The following CD177 variants were observed in gnomAD, a reference collection of about 807,000 sequenced individuals.
The protein encoded by CD177 is CD177 antigen.
CD177 carries 41 observed loss-of-function variants against 38.1 expected under a neutral mutation model. The observed-to-expected ratio is 1.07, with a 90% CI of 0.84 to 1.39. CD177 has a LOEUF of 1.39. Ranked by LOEUF, CD177 falls within the 40% of genes most tolerant of loss-of-function variation. CD177 has a pLI of 0.00. For missense variants in CD177, 619 were observed against 523.8 expected (o/e 1.18, Z -1.77); for synonymous variants, 236 against 216.7 (o/e 1.09, Z -0.78).
Position 43,353,911 on chromosome 19 carries a change from C to A in CD177, c.111C>A (p.Asp37Glu). 1 of 1,613,868 alleles carries A rather than the reference C, an allele frequency of 6.2e-7. No homozygotes were observed. The highest frequency in any genetic ancestry group is 8.5e-7 in the Non-Finnish European group (1 of 1,179,838). ...TTCAGCATGTGTGGAAGGTGTCCGA[C>A]CTGCCCCGGCAATGGACCCCTAAGA... is the stretch of plus-strand genomic sequence containing the variant. ...GTVQHVWKVS[D>E]LPRQWTPKNT... is the part of the protein sequence containing the mutation. Residue 37 changes from aspartate to glutamate, a missense_variant, in exon 2 of 9, where the codon GAC becomes GAA. Asp to Glu is a conservative substitution (Grantham distance 45). Transcript: ENST00000618265.
chr19:43,361,116 C>A, intron 6 of CD177, 27 bp from the exon 7 acceptor site: 1 of 1,297,936 alleles, frequency 7.7e-7, no homozygotes, highest in East Asian at 2.3e-5. Flanking sequence ...GCCCAGTCCC[C>A]AGCCCAGCTT....
At position 43,362,210 on chromosome 19, in the gene CD177, G is replaced by A; in HGVS notation, c.1204G>A (p.Ala402Thr). ...TGAGAAGCGTGATGTGCAGCCTCCT[G>A]CCTCTCAGCATGAGGGAGGTGGGGC... ...AREKRDVQPP[A>T]SQHEGGGAEG... The change falls in exon 9 of 9, where the codon GCC becomes ACC. Residue 402 changes from alanine to threonine, a missense_variant. Coordinates refer to ENST00000618265, the MANE Select transcript of CD177 (RefSeq NM_020406.4). The A allele has an allele frequency of 6.2e-7, 1 of 1,612,860 alleles. No individual in the cohort carries two copies. Among genetic ancestry groups the A allele is most frequent in the Non-Finnish European group, 8.5e-7 (1 of 1,179,074 alleles).
At position 43,362,200 on chromosome 19, in the gene CD177, G is replaced by A; in HGVS notation, c.1194G>A (p.Val398=). ...GIFSAREKRD[V]QPPASQHEGG... ...TCTCTGCGCGTGAGAAGCGTGATGTGCAGCCTCCTGCCTCTCAGCATGAGG... is the reference window on the plus strand; with the variant it reads ...TCTCTGCGCGTGAGAAGCGTGATGTACAGCCTCCTGCCTCTCAGCATGAGG... The change falls in exon 9 of 9, where the codon GTG becomes GTA. Residue 398 remains valine, a synonymous_variant. Transcript: ENST00000618265. The A allele has an allele frequency of 1.2e-6, 2 of 1,613,428 alleles. No homozygotes were observed. Among genetic ancestry groups the A allele is most frequent in the Non-Finnish European group, 1.7e-6 (2 of 1,179,542 alleles).
intron 3 of CD177, 194 bp downstream of exon 3, chr19:43,354,586 C>G: frequency 1.6e-6 from 1 of 624,532 alleles, no homozygotes. Context: ...CACTCCCGAT[C>G]CCTCCCACCG....
chr19:43,361,950 C>A (rs1351193658), intron 8 of CD177, 138 bp from the exon 9 acceptor site: 2 of 664,046 alleles, frequency 3.0e-6, no homozygotes, highest in South Asian at 3.9e-5. Context: ...GGGGCCTGGA[C>A]CCCTGGGTCT....
rs548201107 is a variant in CD177 at position 43,353,925 on chromosome 19, G to A, written c.125G>A (p.Trp42Ter). 3 of 1,613,830 alleles carry A rather than the reference G, an allele frequency of 1.9e-6. No homozygotes were observed. The highest frequency in any genetic ancestry group is 2.2e-5 in the South Asian group (2 of 91,076). ...AAGGTGTCCGACCTGCCCCGGCAAT[G>A]GACCCCTAAGAACACCAGCTGCGAC... ...VWKVSDLPRQ[W>*]TPKNTSCDSG... Residue 42 changes from tryptophan to a stop codon, truncating the protein, a stop_gained, in exon 2 of 9, where the codon TGG (tryptophan) becomes TAG (stop). Transcript: ENST00000618265. LOFTEE classifies it high-confidence loss of function.
intron 4 of CD177, 67 bp downstream of exon 4, chr19:43,355,850 C>A: frequency 6.2e-7 from 1 of 1,604,588 alleles, no homozygotes; most frequent in Non-Finnish European, 8.5e-7. Flanking sequence ...AGATCTTAGG[C>A]TTTGGGGAGT....
rs748683798 is a variant in CD177 at position 43,354,314 on chromosome 19, A to G, written c.301A>G (p.Thr101Ala). 9 of 1,613,296 alleles carry G rather than the reference A, an allele frequency of 5.6e-6. No homozygotes were observed. In the African/African-American group the frequency reaches 9.4e-5, roughly 17 times the overall value. ...CCCCGGCCTCTCCCTGATCTCCTAC[A>G]CCTTCGTGTGCCGCCAGGAGGACTT... ...MGPGLSLISYTFVCRQEDFCN... is the reference protein window; with the variant it reads ...MGPGLSLISYAFVCRQEDFCN... Residue 101 changes from threonine (T) to alanine (A), a missense_variant, in exon 3 of 9, where the codon ACC becomes GCC. By Grantham distance (58) the Thr-to-Ala change is moderately conservative (BLOSUM62 0). Coordinates refer to ENST00000618265, the MANE Select transcript of CD177 (RefSeq NM_020406.4).
At chr19:43,360,846 G>C in intron 6 of CD177, 1 of 536,218 alleles carries the variant, frequency 1.9e-6, no homozygotes, top group Non-Finnish European at 3.3e-6. Flanking sequence ...AGAGAAATCT[G>C]GCAAGGAAAA....
chr19:43,365,215 A>C (rs1970017600), downstream of CD177, among the ~76,000 whole-genome samples: 1 of 139,962 alleles, frequency 7.1e-6, no homozygotes, highest in Non-Finnish European at 1.5e-5. Flanking sequence ...CTCCTGTAAA[A>C]TGACGCCTTC....
intron 3 of CD177, chr19:43,354,669 C>T: frequency 1.7e-6 from 1 of 592,236 alleles, no homozygotes; most frequent in Non-Finnish European, 3.0e-6. Flanking sequence ...TATGAAATCA[C>T]CATTAACTGG....
Position 43,353,892 on chromosome 19 carries a change from A to T in CD177, c.92A>T (p.His31Leu), listed in dbSNP as rs45553433. The T allele has an allele frequency of 0.048, 77,128 of 1,613,818 alleles. 2,182 individuals carry two copies. Among genetic ancestry groups the T allele is most frequent in the Non-Finnish European group, 0.058 (68,731 of 1,179,812 alleles). Residue 31 changes from histidine (H) to leucine (L), a missense_variant, in exon 2 of 9, where the codon CAT becomes CTT. Transcript: ENST00000618265. ...ALLCQFGTVQ[H>L]VWKVSDLPRQ... is the part of the protein sequence containing the mutation. ...CTCTGCCAGTTTGGGACAGTTCAGC[A>T]TGTGTGGAAGGTGTCCGACCTGCCC...
At chr19:43,363,581 G>A (rs558563753), downstream of CD177, among the ~76,000 whole-genome samples, 270 of 152,326 alleles carry the variant, frequency 1.8e-3, 1 homozygote, top group Middle Eastern at 3.4e-3. Context: ...CTGGTCTCCA[G>A]TTGAGGTTCC....
At position 43,354,365 on chromosome 19, in the gene CD177, C is replaced by A. The variant is rs753838184; in HGVS notation, c.352C>A (p.Pro118Thr). 6 of 1,613,826 alleles carry A rather than the reference C, an allele frequency of 3.7e-6. No individual in the cohort carries two copies. The South Asian group carries it at 5.5e-5, about 15-fold the overall frequency. The change falls in exon 3 of 9, where the codon CCG becomes ACG. Residue 118 changes from proline to threonine, a missense_variant. By Grantham distance (38) the Pro-to-Thr change is conservative. Transcript: ENST00000618265. ...DFCNNLVNSLPLWAPQPPADP... is the reference protein window; with the variant it reads ...DFCNNLVNSLTLWAPQPPADP... Reference sequence around the variant, plus strand: ...CTGCAACAACCTCGTTAACTCCCTCCCGCTTTGGGCCCCACAGCCCCCAGC... The same window carrying A: ...CTGCAACAACCTCGTTAACTCCCTCACGCTTTGGGCCCCACAGCCCCCAGC...
intron 5 of CD177, among the ~76,000 whole-genome samples, chr19:43,359,833 CAGCGGCAGTGCT>C: frequency 8.3e-6 from 1 of 120,862 alleles, no homozygotes; most frequent in Non-Finnish European, 1.7e-5. Context: ...AGGCAGTGCT[CAGCGGCAGTGCT>C]CAGCCCACCC....
chr19:43,354,014 A>G, intron 2 of CD177, 21 bp downstream of exon 2: 1 of 1,609,856 alleles, frequency 6.2e-7, no homozygotes, highest in South Asian at 1.1e-5. Flanking sequence ...CCTGGCGTGC[A>G]GAGACCCCGC....
chr19:43,354,462 G>T, intron 3 of CD177, 70 bp downstream of exon 3: 1 of 1,514,012 alleles, frequency 6.6e-7, no homozygotes, highest in Non-Finnish European at 9.1e-7. Context: ...CAGAGGGGCT[G>T]TTACGGAGTC....
In CD177 at chr19:43,361,550, G is replaced by A. The variant is rs1161973085; in HGVS notation, c.1052G>A (p.Cys351Tyr). 3.8e-6 allele frequency: 6 copies of A among 1,578,500 alleles called. No individual in the cohort carries two copies. Among genetic ancestry groups the A allele is most frequent in the Middle Eastern group, 1.7e-4 (1 of 5,994 alleles). Reference protein sequence around the residue: ...RMTCPRGATHCYDGYIHLSGG... With the variant: ...RMTCPRGATHYYDGYIHLSGG... ...ACCTGCCCCAGGGGCGCCACTCATTGTTATGATGGGTACATTCATCTCTCA... is the reference window on the plus strand; with the variant it reads ...ACCTGCCCCAGGGGCGCCACTCATTATTATGATGGGTACATTCATCTCTCA... The change falls in exon 8 of 9, where the codon TGT (cysteine) becomes TAT (tyrosine). Residue 351 changes from cysteine to tyrosine, a missense_variant. By Grantham distance (194) the Cys-to-Tyr change is radical (BLOSUM62 -2). Coordinates refer to ENST00000618265, the MANE Select transcript of CD177 (RefSeq NM_020406.4).
chr19:43,354,388 A>G lies in CD177; in HGVS notation c.375A>G (p.Pro125=), dbSNP rs1330551987. The stretch of plus-strand genomic sequence containing the variant: ...TCCCGCTTTGGGCCCCACAGCCCCC[A>G]GCAGGTGCCTGCGGGAGGGTCGGGA... The part of the protein sequence containing the change: ...NSLPLWAPQP[P]ADPGSLRCPV... The change falls in exon 3 of 9, where the codon CCA becomes CCG. Residue 125 remains proline, a synonymous_variant. Transcript: ENST00000618265. 2.5e-6 allele frequency: 4 copies of G among 1,613,590 alleles called. No individual in the cohort carries two copies. Among genetic ancestry groups the G allele is most frequent in the African/African-American group, 1.3e-5 (1 of 74,826 alleles).
Sources: gnomAD v4.1 joint callset for allele counts (sites outside exome capture counted in the v4.1 genomes callset) on GRCh38, gnomAD v4.1.1 for gene constraint, MANE v1.5 for transcripts, NCBI Gene and HGNC (gene_info 2026-07-23, HGNC 2026-07-21) for gene names.